Variants in CDK12 observed in about 807,000 individuals in gnomAD.
CDK12 encodes cyclin-dependent kinase 12.
In CDK12, 17 loss-of-function variants were observed where a neutral mutation model predicts 133.8. The observed-to-expected ratio is 0.13, with a 90% CI of 0.09 to 0.19. The LOEUF is 0.19. Ranked by LOEUF, CDK12 falls within the 10% of genes least tolerant of loss-of-function variation. The pLI is 1.00. For synonymous variants in CDK12, 694 were observed against 683.6 expected (o/e 1.02, Z -0.24); for missense variants, 1,508 against 1,818.7 (o/e 0.83, Z 3.11).
intron 1 of CDK12, among the ~76,000 whole-genome samples, chr17:39,464,932 A>G (rs1181126317): frequency 1.3e-5 from 2 of 151,170 alleles, no homozygotes; most frequent in African/African-American, 2.4e-5. Context: ...AGCCTGAGCA[A>G]CAGAGTGAGA....
chr17:39,487,037 C>G (rs2051190103), intron 2 of CDK12, among the ~76,000 whole-genome samples: 1 of 152,098 alleles, frequency 6.6e-6, no homozygotes, highest in African/African-American at 2.4e-5. Context: ...TACATTGTGA[C>G]TCAAAGAGTT....
intron 12 of CDK12, 77 bp from the exon 13 acceptor site, chr17:39,525,787 G>T (rs1335643059): frequency 1.4e-5 from 14 of 1,036,278 alleles, no homozygotes; most frequent in Non-Finnish European, 1.9e-5. Context: ...ATTGTAAGTT[G>T]CTGTTGCCAG....
At chr17:39,541,030 G>T (rs994258466) in intron 1 of CDK12, among the ~76,000 whole-genome samples, 1 of 152,104 alleles carries the variant, frequency 6.6e-6, no homozygotes, top group Admixed American at 6.5e-5. Flanking sequence ...ATATGGTGTC[G>T]CCTCCCACCA....
At chr17:39,468,350 G>A (rs890892133) in intron 1 of CDK12, among the ~76,000 whole-genome samples, 2 of 152,042 alleles carry the variant, frequency 1.3e-5, no homozygotes, top group East Asian at 3.8e-4. Flanking sequence ...CTTACTATAT[G>A]TCAGTCTTAC....
rs1361598355 is a variant in CDK12, at chr17:39,471,446, T to G, written c.1614T>G (p.Pro538=). ...PLPTIASPPP[P]LPTTTPPPQT... ...CCACAATTGCTTCTCCCCCACCCCC[T>G]CTACCAACTACTACCCCTCCACCTC... The change falls in exon 2 of 14, where the codon CCT becomes CCG. Residue 538 remains proline (P), a synonymous_variant. Transcript: ENST00000447079. The G allele has an allele frequency of 3.3e-6, 4 of 1,215,476 alleles. No individual in the cohort carries two copies. The highest frequency in any genetic ancestry group is 3.8e-5 in the South Asian group (2 of 52,212). The allele number at this position is 1,215,476 out of a possible 1,614,324, so 75.3% of individuals were successfully genotyped here.
chr17:39,498,421 C>A (rs1305483785), intron 5 of CDK12, among the ~76,000 whole-genome samples: 1 of 152,024 alleles, frequency 6.6e-6, no homozygotes, highest in East Asian at 1.9e-4. Context: ...TGGGGTTTCA[C>A]CATGTGGGCC....
chr17:39,468,560 C>G (rs1401413792), intron 1 of CDK12, among the ~76,000 whole-genome samples: 2 of 151,986 alleles, frequency 1.3e-5, no homozygotes, highest in Non-Finnish European at 2.9e-5. Context: ...ACCACAACCT[C>G]TGCCTCCCAG....
chr17:39,462,855 T>G lies in CDK12; in HGVS notation c.784T>G (p.Tyr262Asp), dbSNP rs1027735766. The part of the protein sequence containing the change: ...RSHTSSNYDS[Y>D]KKSPGSTSRR... ...TCATACCTCGAGCAATTATGACTCC[T>G]ACAAGAAAAGTCCTGGAAGTACCTC... Residue 262 changes from tyrosine (Y) to aspartate (D), a missense_variant, in exon 1 of 14, where the codon TAC (tyrosine) becomes GAC (aspartate). Physicochemically the swap from Tyr to Asp is radical, Grantham distance 160. Around this residue, in one of 9 missense-constraint regions of CDK12, gnomAD observed 460 missense variants for 490.8 expected, o/e 0.94. Transcript: ENST00000447079. The G allele has an allele frequency of 6.2e-7, 1 of 1,614,102 alleles. No individual in the cohort carries two copies. Among genetic ancestry groups the G allele is most frequent in the South Asian group, 1.1e-5 (1 of 91,074 alleles).
At chr17:39,560,276 G>A (rs530266684) in intron 3 of CDK12, among the ~76,000 whole-genome samples, 21 of 152,308 alleles carry the variant, frequency 1.4e-4, no homozygotes, top group African/African-American at 4.6e-4. Context: ...GAACATTCAC[G>A]TACAGATTTT....
At chr17:39,466,546 G>A (rs1377295392) in intron 1 of CDK12, among the ~76,000 whole-genome samples, 9 of 135,252 alleles carry the variant, frequency 6.7e-5, no homozygotes, top group Non-Finnish European at 9.2e-5. Context: ...CCCAGGAGGA[G>A]GAGGTTGAGG....
intron 3 of CDK12, among the ~76,000 whole-genome samples, chr17:39,557,725 C>CGAAA (rs1283345627): frequency 2.6e-5 from 4 of 152,178 alleles, no homozygotes; most frequent in African/African-American, 9.7e-5. Flanking sequence ...AGTTACTTTT[C>CGAAA]CAGGCCTCTT....
chr17:39,496,641 C>A (rs1318705566), intron 5 of CDK12, among the ~76,000 whole-genome samples: 3 of 152,038 alleles, frequency 2.0e-5, no homozygotes, highest in Non-Finnish European at 4.4e-5. Flanking sequence ...GCAGAGGTTG[C>A]AGTGAGTTGA....
intron 8 of CDK12, among the ~76,000 whole-genome samples, chr17:39,513,016 C>T (rs2053587792): frequency 6.6e-6 from 1 of 152,170 alleles, no homozygotes; most frequent in African/African-American, 2.4e-5. Context: ...TTTTGGCACA[C>T]CATAGTAGTG....
rs2051508331 is a variant in CDK12, at chr17:39,490,541, C to G, written c.1932-16C>G. The stretch of plus-strand genomic sequence containing the variant: ...TTTAATTGTAATTTTGTCATCTCTT[C>G]TCATTTATTGTTTAGTCCAAAAGAA... On this transcript the variant is annotated splice_polypyrimidine_tract_variant and intron_variant, in intron 2 of 13. Coordinates refer to ENST00000447079, the MANE Select transcript of CDK12 (RefSeq NM_016507.4). 4 of 1,562,440 alleles carry G rather than the reference C, an allele frequency of 2.6e-6. No homozygotes were observed. Among genetic ancestry groups the G allele is most frequent in the Admixed American group, 3.9e-5 (2 of 51,750 alleles).
At chr17:39,492,331 C>T (rs541766536) in intron 3 of CDK12, among the ~76,000 whole-genome samples, 13 of 150,500 alleles carry the variant, frequency 8.6e-5, no homozygotes, top group African/African-American at 2.9e-4. Context: ...CTCCTGACCT[C>T]GTGATCCACC....
chr17:39,545,481 C>T (rs1443451625), upstream of CDK12, among the ~76,000 whole-genome samples: 3 of 149,916 alleles, frequency 2.0e-5, no homozygotes, highest in Non-Finnish European at 3.0e-5. Flanking sequence ...AGCCACTGTG[C>T]CCAGCCCCAA....
chr17:39,485,559 G>A (rs1327903460), intron 2 of CDK12, among the ~76,000 whole-genome samples: 1 of 151,786 alleles, frequency 6.6e-6, no homozygotes, highest in African/African-American at 2.4e-5. Flanking sequence ...CTAACAGGCG[G>A]GTGCCACCAC....
chr17:39,548,553 A>G (rs1423034113), upstream of CDK12, among the ~76,000 whole-genome samples: 1 of 152,224 alleles, frequency 6.6e-6, no homozygotes, highest in Non-Finnish European at 1.5e-5. Flanking sequence ...GGGGTGACTG[A>G]AGCCTGGGAG....
At chr17:39,487,686 G>A (rs546884260) in intron 2 of CDK12, among the ~76,000 whole-genome samples, 3 of 143,746 alleles carry the variant, frequency 2.1e-5, no homozygotes, top group African/African-American at 5.2e-5. Flanking sequence ...GCACGATCTC[G>A]GCTTACTGCA....
Sources: gnomAD v4.1 joint callset for allele counts (sites outside exome capture counted in the v4.1 genomes callset) on GRCh38, gnomAD v4.1.1 for gene constraint, gnomAD v4.1.1 regional missense constraint, MANE v1.5 for transcripts, NCBI Gene and HGNC (gene_info 2026-07-23, HGNC 2026-07-21) for gene names.